Variants in HIVEP3 observed in about 807,000 individuals in gnomAD.
HIVEP3 encodes HIVEP zinc finger 3, also known as transcription factor HIVEP3.
A neutral mutation model predicts 152.8 loss-of-function variants in HIVEP3; 49 were observed. The ratio of observed to expected loss-of-function variants is 0.32; its 90% CI spans 0.26 to 0.41. The LOEUF (loss-of-function observed/expected upper bound fraction) is 0.41, where lower values mean the gene tolerates loss of function less well. Among genes scored for constraint, HIVEP3 ranks in the 10% least tolerant of loss-of-function variants. The pLI is 1.00. For missense variants in HIVEP3, 2,790 were observed against 3,103.3 expected (o/e 0.90, Z 2.40); for synonymous variants, 1,269 against 1,289.0 (o/e 0.98, Z 0.33).
intron 2 of HIVEP3, among the ~76,000 whole-genome samples, chr1:41,650,563 G>T (rs1230116499): frequency 6.2e-5 from 9 of 145,016 alleles, no homozygotes; most frequent in South Asian, 2.2e-4. Context: ...TGTTTTCTGG[G>T]TTTTTTTTTT....
intron 1 of HIVEP3, among the ~76,000 whole-genome samples, chr1:41,754,535 G>A (rs1647230749): frequency 6.6e-6 from 1 of 152,204 alleles, no homozygotes; most frequent in Non-Finnish European, 1.5e-5. Flanking sequence ...TGCCGTACGT[G>A]TGGCTGCCTG....
At chr1:41,668,877 C>G (rs1645833544) in intron 2 of HIVEP3, among the ~76,000 whole-genome samples, 1 of 152,174 alleles carries the variant, frequency 6.6e-6, no homozygotes, top group Non-Finnish European at 1.5e-5. Context: ...GTTAGGAGAG[C>G]TCTGGGGTCA....
At position 41,952,759 on chromosome 1, in the gene HIVEP3, T is replaced by A. The variant is rs558054352; in HGVS notation, n.120-34235A>T. Among the ~76,000 whole-genome samples, 3 of 152,250 alleles carry A rather than the reference T, an allele frequency of 2.0e-5. No homozygotes were observed. In the East Asian group the frequency reaches 5.8e-4, roughly 29 times the overall value. ...CATTAAAGATAATTTGGAAAATATA[T>A]AAAGTAACAAAAGGGAAAAAATCCT... On this transcript the variant is annotated intron_variant and non_coding_transcript_variant, in intron 1 of 3. Transcript: ENST00000489103.
At chr1:41,710,262 T>C (rs537128382) in intron 1 of HIVEP3, among the ~76,000 whole-genome samples, 6 of 152,272 alleles carry the variant, frequency 3.9e-5, no homozygotes, top group Admixed American at 2.0e-4. Flanking sequence ...GGGGGTCATC[T>C]GCAGGGCTAG....
At chr1:41,702,884 A>C (rs1230539862) in intron 1 of HIVEP3, among the ~76,000 whole-genome samples, 2 of 152,214 alleles carry the variant, frequency 1.3e-5, no homozygotes, top group Non-Finnish European at 2.9e-5. Context: ...TCCTGAAGGG[A>C]GTTTTTTGTC....
intron 1 of HIVEP3, among the ~76,000 whole-genome samples, chr1:41,952,129 A>G (rs1305541344): frequency 6.6e-6 from 1 of 152,098 alleles, no homozygotes; most frequent in Non-Finnish European, 1.5e-5. Context: ...CATTCTCTCT[A>G]GCTCATCTGT....
intron 1 of HIVEP3, among the ~76,000 whole-genome samples, chr1:41,808,141 C>G (rs1417999433): frequency 6.6e-6 from 1 of 152,216 alleles, no homozygotes; most frequent in Non-Finnish European, 1.5e-5. Context: ...AGATTACTAC[C>G]CCCATTTGGT....
At chr1:41,897,161 G>A (rs867723351) in intron 1 of HIVEP3, among the ~76,000 whole-genome samples, 15 of 152,316 alleles carry the variant, frequency 9.8e-5, no homozygotes, top group Middle Eastern at 3.4e-3. Flanking sequence ...CATAGCCAAC[G>A]AGAATGGTGA....
intron 5 of HIVEP3, among the ~76,000 whole-genome samples, chr1:41,531,799 C>T (rs62653697): frequency 0.06 from 1,244 of 20,628 alleles, 199 homozygotes; most frequent in Middle Eastern, 0.091. Flanking sequence ...ACAGGGGAGA[C>T]GGAGGACAGG....
chr1:41,620,273 C>G (rs149417330), intron 3 of HIVEP3, among the ~76,000 whole-genome samples: 96 of 152,322 alleles, frequency 6.3e-4, no homozygotes, highest in African/African-American at 2.2e-3. Context: ...AAACCTCAAG[C>G]AAACAGAAAT....
intron 3 of HIVEP3, among the ~76,000 whole-genome samples, chr1:41,620,724 C>T (rs1296569954): frequency 6.6e-6 from 1 of 152,136 alleles, no homozygotes; most frequent in African/African-American, 2.4e-5. Flanking sequence ...TTCAGGCTTG[C>T]GACACTAGTG....
At chr1:42,021,828 T>A (rs924174859) in intron 1 of HIVEP3, among the ~76,000 whole-genome samples, 24 of 152,210 alleles carry the variant, frequency 1.6e-4, no homozygotes, top group African/African-American at 5.8e-4. Flanking sequence ...TCTTTCTGTC[T>A]GTCTATTCTT....
chr1:41,520,353 C>A (rs976445063), intron 6 of HIVEP3, among the ~76,000 whole-genome samples: 1 of 152,092 alleles, frequency 6.6e-6, no homozygotes, highest in East Asian at 1.9e-4. Context: ...CTCCTACAAC[C>A]GGAAATAAAT....
chr1:41,717,983 CAGAGATT>C (rs1211721147), intron 1 of HIVEP3, among the ~76,000 whole-genome samples: 1 of 152,200 alleles, frequency 6.6e-6, no homozygotes, highest in Non-Finnish European at 1.5e-5. Flanking sequence ...TAGTGGAGAT[CAGAGATT>C]ATGGGGATCA....
At chr1:41,946,021 C>A (rs780031980) in intron 1 of HIVEP3, among the ~76,000 whole-genome samples, 1 of 152,122 alleles carries the variant, frequency 6.6e-6, no homozygotes, top group African/African-American at 2.4e-5. Flanking sequence ...CGGAACGGGA[C>A]AAACGGGATT....
rs910721802 is a variant in HIVEP3 at position 41,509,518 on chromosome 1, T to C, written c.*933A>G. 1.3e-5 allele frequency: 2 copies of C among 151,632 alleles called. No homozygotes were observed. Among genetic ancestry groups the C allele is most frequent in the Non-Finnish European group, 2.9e-5 (2 of 67,944 alleles). 9.4% of individuals were successfully genotyped at this position (151,632 alleles called of 1,614,324 possible). ...CTGCCACTTCTGCCTTTGTGGGTGG[T>C]TTGGTGGTTTTAGAACAGAGGAGGC... On this transcript the variant is annotated 3_prime_UTR_variant, in exon 9 of 9. Transcript: ENST00000372583.
intron 1 of HIVEP3, among the ~76,000 whole-genome samples, chr1:41,877,452 A>G (rs1644188817): frequency 6.6e-6 from 1 of 152,206 alleles, no homozygotes; most frequent in Non-Finnish European, 1.5e-5. Context: ...TTTCCCTTCA[A>G]TAGAAGGCTA....
intron 5 of HIVEP3, among the ~76,000 whole-genome samples, chr1:41,548,925 G>C (rs1405728278): frequency 1.3e-5 from 2 of 151,950 alleles, no homozygotes; most frequent in African/African-American, 4.8e-5. Flanking sequence ...ACTAAGTGCA[G>C]GTTTGTTACA....
intron 2 of HIVEP3, among the ~76,000 whole-genome samples, chr1:41,638,365 G>GA (rs1438726381): frequency 2.5e-5 from 3 of 119,370 alleles, no homozygotes; most frequent in African/African-American, 1.1e-4. Context: ...AAAAAGGAAA[G>GA]AAAGAAAGGG....
Sources: allele counts gnomAD v4.1 joint callset (sites outside exome capture counted in the v4.1 genomes callset), GRCh38; gene constraint gnomAD v4.1.1; transcripts MANE v1.5; gene names NCBI Gene and HGNC (gene_info 2026-07-23, HGNC 2026-07-21).